PWWP2A: variants seen among roughly 807,000 people sequenced by gnomAD.
PWWP2A encodes PWWP domain-containing protein 2A.
Under a neutral mutation model 48.5 loss-of-function variants are expected in PWWP2A, and 18 were observed. The ratio of observed to expected loss-of-function variants is 0.37; its 90% CI spans 0.26 to 0.55. The LOEUF (loss-of-function observed/expected upper bound fraction) is 0.55, where lower values mean the gene tolerates loss of function less well. PWWP2A is among the 20% of genes least tolerant of loss of function. The pLI, the probability that PWWP2A is intolerant of heterozygous loss-of-function variation, is 0.81. For synonymous variants in PWWP2A, 396 were observed against 387.7 expected (o/e 1.02, Z -0.25); for missense variants, 867 against 976.4 (o/e 0.89, Z 1.49).
intron 1 of PWWP2A, among the ~76,000 whole-genome samples, chr5:160,109,810 A>ATATATAT (rs1757356016): frequency 8.4e-6 from 1 of 118,596 alleles, no homozygotes; most frequent in African/African-American, 3.1e-5. Context: ...TATATATATA[A>ATATATAT]AATAATATAA....
downstream of PWWP2A, chr5:160,090,533 C>T (rs143308763): frequency 2.5e-5 from 25 of 983,740 alleles, no homozygotes; most frequent in African/African-American, 4.4e-4. Context: ...ATGTTCTACT[C>T]AAGTGAAACA....
In PWWP2A at chr5:160,093,696, C is replaced by G; in HGVS notation, c.954G>C (p.Arg318Ser). 1 of 1,613,964 alleles carries G rather than the reference C, an allele frequency of 6.2e-7. No individual in the cohort carries two copies. Among genetic ancestry groups the G allele is most frequent in the South Asian group, 1.1e-5 (1 of 91,076 alleles). ...SIMNAIKLRP[R>S]QVLCDKCKNS... is the part of the protein sequence containing the mutation. Reference sequence around the variant, plus strand: ...TTTTACATTTATCACACAGAACTTGCCTGGGTCGTAGTTTAATAGCATTCA... The same window carrying G: ...TTTTACATTTATCACACAGAACTTGGCTGGGTCGTAGTTTAATAGCATTCA... The change falls in exon 2 of 2, where the codon AGG (arginine) becomes AGC (serine). Residue 318 changes from arginine (R) to serine (S), a missense_variant. Physicochemically the swap from Arg to Ser is moderately radical, Grantham distance 110. Transcript: ENST00000307063. The surrounding 1 kb of genome is among the most constrained non-coding windows in gnomAD (Gnocchi z 5.8).
chr5:160,067,311 A>C (rs187725927), intron 2 of PWWP2A, among the ~76,000 whole-genome samples: 1 of 152,168 alleles, frequency 6.6e-6, no homozygotes, highest in Non-Finnish European at 1.5e-5. Flanking sequence ...AATAGCTTTC[A>C]TAATACAAAA....
intron 1 of PWWP2A, among the ~76,000 whole-genome samples, chr5:160,103,050 G>GA (rs1756479032): frequency 6.6e-6 from 1 of 152,090 alleles, no homozygotes; most frequent in East Asian, 1.9e-4. Flanking sequence ...TCTTAGAAAA[G>GA]AAATGCTCCA....
chr5:160,109,387 A>G (rs1435848554), intron 1 of PWWP2A, among the ~76,000 whole-genome samples: 3 of 151,356 alleles, frequency 2.0e-5, no homozygotes, highest in Non-Finnish European at 4.4e-5. Context: ...ACCTTTCAGG[A>G]TTTTTCACTT....
At chr5:160,082,268 C>G (rs1029633848) in intron 2 of PWWP2A, among the ~76,000 whole-genome samples, 150 of 151,824 alleles carry the variant, frequency 9.9e-4, no homozygotes, top group African/African-American at 3.6e-3. Flanking sequence ...CACGGTGAAA[C>G]CCCGTCTCTA....
chr5:160,106,542 A>G (rs1756914252), intron 1 of PWWP2A, among the ~76,000 whole-genome samples: 2 of 152,226 alleles, frequency 1.3e-5, no homozygotes, highest in Admixed American at 6.5e-5. Context: ...CATTAAAAAA[A>G]CAAGAAATAT....
At position 160,091,803 on chromosome 5, in the gene PWWP2A, C is replaced by T; in HGVS notation, c.*579G>A. On this transcript the variant is annotated 3_prime_UTR_variant, in exon 2 of 2. Coordinates refer to ENST00000307063, the MANE Select transcript of PWWP2A (RefSeq NM_001130864.2). ...AACCATCTGTTTGTCAAACACCTAA[C>T]CATCTAACTTTTACACCATTATGCG... The T allele has an allele frequency of 1.0e-6, 1 of 985,100 alleles. No individual in the cohort carries two copies. The highest frequency in any genetic ancestry group is 4.7e-5 in the South Asian group (1 of 21,280). The allele number at this position is 985,100 out of a possible 1,614,324, so 61.0% of individuals were successfully genotyped here.
rs543966066 is a variant in PWWP2A at position 160,093,308 on chromosome 5, T to G, written c.1342A>C (p.Thr448Pro). The G allele has an allele frequency of 2.5e-6, 4 of 1,613,852 alleles. No homozygotes were observed. In the African/African-American group the frequency reaches 4.0e-5, roughly 16 times the overall value. ...ACTTTTGAATGTGCATTTTTGGAAGTAGAGGTTTCATTTTGCTTCTTTTGT... is the reference window on the plus strand; with the variant it reads ...ACTTTTGAATGTGCATTTTTGGAAGGAGAGGTTTCATTTTGCTTCTTTTGT... ...KAQKKQNETS[T>P]SKNAHSKVHF... Residue 448 changes from threonine (T) to proline (P), a missense_variant, in exon 2 of 2, where the codon ACT becomes CCT. Physicochemically the swap from Thr to Pro is conservative, Grantham distance 38 (BLOSUM62 -1). This residue lies in a region of PWWP2A where 382 missense variants were observed against 407.2 expected (regional missense o/e 0.94). Coordinates refer to ENST00000307063, the MANE Select transcript of PWWP2A (RefSeq NM_001130864.2). The surrounding 1 kb of genome is among the most constrained non-coding windows in gnomAD (Gnocchi z 5.8).
In PWWP2A at chr5:160,115,212, C is replaced by G. The variant is rs191786908; in HGVS notation, c.584+3593G>C. 7.5e-4 allele frequency among the ~76,000 whole-genome samples: 109 copies of G among 146,046 alleles called. 1 individual carries two copies. Among genetic ancestry groups the G allele is most frequent in the Admixed American group, 1.4e-3 (20 of 14,286 alleles). On this transcript the variant is annotated intron_variant, in intron 1 of 1. Coordinates refer to ENST00000307063, the MANE Select transcript of PWWP2A (RefSeq NM_001130864.2). ...CTGAGTTCCAGCCTAGTCTCTGAAACGGACTGGCAGTCATCATGTCTGTGC... is the reference window on the plus strand; with the variant it reads ...CTGAGTTCCAGCCTAGTCTCTGAAAGGGACTGGCAGTCATCATGTCTGTGC...
chr5:160,101,494 T>C (rs1049801054), intron 1 of PWWP2A, among the ~76,000 whole-genome samples: 9 of 152,298 alleles, frequency 5.9e-5, no homozygotes, highest in African/African-American at 2.2e-4. Context: ...GAAAGTAGAA[T>C]GGTTGACAGC....
At chr5:160,063,966 C>CTTTTTTTTTT (rs34967107) in intron 4 of PWWP2A, among the ~76,000 whole-genome samples, 2 of 106,672 alleles carry the variant, frequency 1.9e-5, no homozygotes, top group African/African-American at 3.7e-5. Context: ...TAGACCATGA[C>CTTTTTTTTTT]TTTTTTTTTT....
At chr5:160,056,486 T>G in the PWWP2A span, among the ~76,000 whole-genome samples, 2 of 152,174 alleles carry the variant, frequency 1.3e-5, no homozygotes, top group Non-Finnish European at 2.9e-5. Flanking sequence ...GAAGATCACT[T>G]GAGCCTGGGA....
intron 1 of PWWP2A, among the ~76,000 whole-genome samples, chr5:160,110,670 C>T (rs557992970): frequency 1.3e-5 from 2 of 152,098 alleles, no homozygotes; most frequent in Admixed American, 6.6e-5. Flanking sequence ...CATGCCATTG[C>T]ACTCCAGCCT....
exon 3 of PWWP2A, chr5:160,080,694 A>G: frequency 6.4e-7 from 1 of 1,571,898 alleles, no homozygotes; most frequent in Non-Finnish European, 8.6e-7. Context: ...GTCTGAATCC[A>G]CAGTGGTCTG....
intron 1 of PWWP2A, among the ~76,000 whole-genome samples, chr5:160,105,364 C>T (rs1032540343): frequency 1.3e-5 from 2 of 150,558 alleles, no homozygotes; most frequent in African/African-American, 4.9e-5. Context: ...CTGTGAAACC[C>T]TGTCTCTAAT....
chr5:160,048,191 G>A, the PWWP2A span, among the ~76,000 whole-genome samples: 2 of 116,146 alleles, frequency 1.7e-5, no homozygotes, highest in Non-Finnish European at 3.2e-5. Flanking sequence ...TCTGTTGCCC[G>A]GGCTGGAGTA....
intron 2 of PWWP2A, among the ~76,000 whole-genome samples, chr5:160,085,156 G>A (rs1187166352): frequency 6.6e-6 from 1 of 151,850 alleles, no homozygotes. Context: ...AGCCTCCCGA[G>A]TAGCTGGGAC....
intron 1 of PWWP2A, among the ~76,000 whole-genome samples, chr5:160,109,160 T>C (rs1289543781): frequency 6.6e-6 from 1 of 152,098 alleles, no homozygotes; most frequent in African/African-American, 2.4e-5. Context: ...ATTTTTGTAT[T>C]TTTAGTAGAG....
Sources: gnomAD v4.1 joint callset for allele counts (sites outside exome capture counted in the v4.1 genomes callset) on GRCh38, gnomAD v4.1.1 for gene constraint, gnomAD v4.1.1 regional missense constraint, Gnocchi (gnomAD v3.1) non-coding constraint, MANE v1.5 for transcripts, NCBI Gene and HGNC (gene_info 2026-07-23, HGNC 2026-07-21) for gene names.